The following SHROOM3 variants were observed in gnomAD, a reference collection of about 807,000 sequenced individuals.
The protein encoded by SHROOM3 is shroom family member 3.
A neutral mutation model predicts 138.6 loss-of-function variants in SHROOM3; 47 were observed. The observed-to-expected ratio is 0.34, with a 90% confidence interval of 0.27 to 0.43. SHROOM3 has a LOEUF of 0.43. Ranked by LOEUF, SHROOM3 falls within the 20% of genes least tolerant of loss-of-function variation. The probability of loss-of-function intolerance (pLI) is 1.00; values close to 1 mark genes in which losing one functional copy is unlikely to be tolerated. For missense variants in SHROOM3, 2,491 were observed against 2,596.5 expected, an observed-to-expected ratio of 0.96 and a Z score of 0.88; for synonymous variants, 1,062 against 1,063.3, an observed-to-expected ratio of 1.00 and a Z score of 0.02.
chr4:76,741,159 G>T lies in SHROOM3; in HGVS notation c.2986G>T (p.Ala996Ser). The T allele has an allele frequency of 6.3e-7, 1 of 1,576,856 alleles. No homozygotes were observed. The highest frequency in any genetic ancestry group is 8.6e-7 in the Non-Finnish European group (1 of 1,162,548). ...CGTGACCCCTGCTGAGGGCGACCTG[G>T]CCAGGCCCGTGCCCCCTGCCGCCCG... ...HSVTPAEGDL[A>S]RPVPPAARRG... The change falls in exon 5 of 11, where the codon GCC becomes TCC. Residue 996 changes from alanine (A) to serine (S), a missense_variant. This residue lies in a region of SHROOM3 where 1,733 missense variants were observed against 1,661.6 expected (regional missense o/e 1.04). Transcript: ENST00000296043. The surrounding 1 kb of genome is among the most constrained non-coding windows in gnomAD (Gnocchi z 6.2).
chr4:76,508,707 G>A (rs565916279), intron 1 of SHROOM3, among the ~76,000 whole-genome samples: 1 of 152,128 alleles, frequency 6.6e-6, no homozygotes, highest in Non-Finnish European at 1.5e-5. Context: ...ATTTATTTAG[G>A]TCTTTTAAAT....
rs1343193705 is a variant in SHROOM3 at position 76,521,478 on chromosome 4, G to T, written c.169-34131G>T. 2.0e-5 allele frequency among the ~76,000 whole-genome samples: 3 copies of T among 152,154 alleles called. No homozygotes were observed. The East Asian group carries it at 5.8e-4, about 29-fold the overall frequency. Reference sequence around the variant, plus strand: ...CATTCAAGTCAGTAAGACATAATTTGCTTTGTTTTCAATTGTTCTATACAG... The same window carrying T: ...CATTCAAGTCAGTAAGACATAATTTTCTTTGTTTTCAATTGTTCTATACAG... On this transcript the variant is annotated intron_variant, in intron 1 of 10. Transcript: ENST00000296043.
At chr4:76,660,755 CAT>C (rs1736166478) in intron 2 of SHROOM3, among the ~76,000 whole-genome samples, 1 of 151,744 alleles carries the variant, frequency 6.6e-6, no homozygotes. Flanking sequence ...GGATTATAGA[CAT>C]GAGCCACTGT....
At chr4:76,615,429 C>T (rs926949869) in intron 2 of SHROOM3, among the ~76,000 whole-genome samples, 1 of 152,182 alleles carries the variant, frequency 6.6e-6, no homozygotes, top group Admixed American at 6.6e-5. Flanking sequence ...GATGCCGAAA[C>T]GTGGTGTGTT....
chr4:76,555,463 T>A (rs1733463582), intron 1 of SHROOM3, 146 bp from the exon 2 acceptor site: 5 of 1,209,508 alleles, frequency 4.1e-6, no homozygotes, highest in Non-Finnish European at 5.9e-6. Context: ...GCTCTCACAG[T>A]TTTCCCTCTG....
intron 2 of SHROOM3, among the ~76,000 whole-genome samples, chr4:76,651,256 C>G (rs1735950613): frequency 6.6e-6 from 1 of 151,432 alleles, no homozygotes; most frequent in Non-Finnish European, 1.5e-5. Flanking sequence ...ATAACTTAAT[C>G]GTGTATTTTA....
intron 1 of SHROOM3, among the ~76,000 whole-genome samples, chr4:76,477,415 A>G (rs369286855): frequency 1.3e-5 from 2 of 152,322 alleles, no homozygotes; most frequent in African/African-American, 4.8e-5. Flanking sequence ...TTGCCTCAAG[A>G]CTGCACATAA....
chr4:76,730,752 A>G (rs1720847000), intron 3 of SHROOM3, 52 bp from the exon 4 acceptor site: 11 of 1,611,596 alleles, frequency 6.8e-6, no homozygotes, highest in African/African-American at 5.3e-5. Context: ...CAGTGAGGAG[A>G]CTCAGCTGAG....
At chr4:76,459,101 A>G (rs933193572) in intron 1 of SHROOM3, among the ~76,000 whole-genome samples, 1 of 152,196 alleles carries the variant, frequency 6.6e-6, no homozygotes, top group Non-Finnish European at 1.5e-5. Flanking sequence ...TGCTACCTCC[A>G]TAGAATCCAG....
intron 2 of SHROOM3, among the ~76,000 whole-genome samples, chr4:76,690,509 A>C (rs1719495730): frequency 6.6e-6 from 1 of 152,166 alleles, no homozygotes; most frequent in South Asian, 2.1e-4. Flanking sequence ...TGCAACAGGA[A>C]GTCCTAGCAC....
At chr4:76,778,118 C>T (rs1722629601) in intron 10 of SHROOM3, among the ~76,000 whole-genome samples, 1 of 152,110 alleles carries the variant, frequency 6.6e-6, no homozygotes. Context: ...AGGGCCTGAA[C>T]CCTTGCATTT....
In SHROOM3 at chr4:76,613,197, C is replaced by T. The variant is rs148160047; in HGVS notation, c.323+57434C>T. Among the ~76,000 whole-genome samples, 9 of 152,288 alleles carry T rather than the reference C, an allele frequency of 5.9e-5. No homozygotes were observed. The East Asian group carries it at 1.7e-3, about 29-fold the overall frequency. On this transcript the variant is annotated intron_variant, in intron 2 of 10. Coordinates refer to ENST00000296043, the MANE Select transcript of SHROOM3 (RefSeq NM_020859.4). ...CTAACTCCCACCTCACCACTAGGTC[C>T]AGTGCAGGGAACTCTTCTACAGTAT...
intron 2 of SHROOM3, among the ~76,000 whole-genome samples, chr4:76,674,742 C>T (rs1195164400): frequency 6.6e-6 from 1 of 151,662 alleles, no homozygotes; most frequent in Non-Finnish European, 1.5e-5. Flanking sequence ...TTTTGTAGAG[C>T]CAGGGTTTCT....
intron 1 of SHROOM3, among the ~76,000 whole-genome samples, chr4:76,554,505 C>CT (rs1560544030): frequency 9.4e-5 from 14 of 149,722 alleles, no homozygotes; most frequent in African/African-American, 2.7e-4. Context: ...CTGCAAGCGT[C>CT]GGCTCTTGGG....
chr4:76,736,555 T>G (rs1337505121), intron 4 of SHROOM3, among the ~76,000 whole-genome samples: 1 of 152,218 alleles, frequency 6.6e-6, no homozygotes, highest in African/African-American at 2.4e-5. Flanking sequence ...AATAAGACAC[T>G]ACATTTATTT....
intron 2 of SHROOM3, among the ~76,000 whole-genome samples, chr4:76,671,371 CT>C (rs1718878216): frequency 6.6e-6 from 1 of 152,212 alleles, no homozygotes; most frequent in Non-Finnish European, 1.5e-5. Flanking sequence ...TTCCAGTTGC[CT>C]TTTGGATAAA....
At chr4:76,618,000 C>T (rs1033495205) in intron 2 of SHROOM3, among the ~76,000 whole-genome samples, 2 of 152,210 alleles carry the variant, frequency 1.3e-5, no homozygotes, top group South Asian at 2.1e-4. Flanking sequence ...AAAAGTTGAA[C>T]ATCATGAATA....
At chr4:76,757,313 C>T (rs1372894596) in intron 8 of SHROOM3, among the ~76,000 whole-genome samples, 4 of 152,196 alleles carry the variant, frequency 2.6e-5, no homozygotes, top group African/African-American at 9.7e-5. Flanking sequence ...AGACCATGCT[C>T]ACCAAGGTCA....
At chr4:76,661,588 G>T (rs768535833) in intron 2 of SHROOM3, among the ~76,000 whole-genome samples, 1 of 152,058 alleles carries the variant, frequency 6.6e-6, no homozygotes, top group African/African-American at 2.4e-5. Flanking sequence ...TTTCCAGTCC[G>T]CTCTGCACCT....
Sources: allele counts gnomAD v4.1 joint callset (sites outside exome capture counted in the v4.1 genomes callset), GRCh38; gene constraint gnomAD v4.1.1; regional missense constraint gnomAD v4.1.1; non-coding constraint Gnocchi (gnomAD v3.1); transcripts MANE v1.5; gene names NCBI Gene and HGNC (gene_info 2026-07-23, HGNC 2026-07-21).